NCOA3: variants seen among roughly 807,000 people sequenced by gnomAD.
The protein encoded by NCOA3 is nuclear receptor coactivator 3.
Under a neutral mutation model 158.8 loss-of-function variants are expected in NCOA3, and 51 were observed. The observed-to-expected ratio is 0.32, with a 90% CI of 0.26 to 0.41. NCOA3 has a LOEUF of 0.41. NCOA3 is among the 10% of genes least tolerant of loss of function. The pLI, the probability that NCOA3 is intolerant of heterozygous loss-of-function variation, is 1.00. For synonymous variants in NCOA3, 537 were observed against 592.4 expected (o/e 0.91, Z 1.36); for missense variants, 1,510 against 1,746.6 (o/e 0.86, Z 2.41).
intron 1 of NCOA3, among the ~76,000 whole-genome samples, chr20:47,520,868 C>T (rs1467337005): frequency 6.6e-6 from 1 of 152,230 alleles, no homozygotes; most frequent in Non-Finnish European, 1.5e-5. Flanking sequence ...AATCCCACGG[C>T]AGGATCTGCC....
At chr20:47,607,414 C>T (rs1307960360) in intron 2 of NCOA3, among the ~76,000 whole-genome samples, 1 of 152,184 alleles carries the variant, frequency 6.6e-6, no homozygotes, top group Non-Finnish European at 1.5e-5. Context: ...ATCTGTATAA[C>T]AAGCCTTACT....
chr20:47,537,089 G>A (rs528530354), intron 1 of NCOA3, among the ~76,000 whole-genome samples: 10 of 152,054 alleles, frequency 6.6e-5, no homozygotes, highest in East Asian at 1.9e-4. Flanking sequence ...GATTACAGGC[G>A]TGAGCCACCG....
intron 1 of NCOA3, among the ~76,000 whole-genome samples, chr20:47,581,685 A>G (rs1367188116): frequency 6.6e-6 from 1 of 152,150 alleles, no homozygotes; most frequent in Non-Finnish European, 1.5e-5. Flanking sequence ...TTGTTGCTTT[A>G]TTGTTAAATT....
rs552149334 is a variant in NCOA3 at position 47,610,484 on chromosome 20, C to T, written c.-19-11745C>T. Among the ~76,000 whole-genome samples the T allele has an allele frequency of 6.6e-5, 10 of 152,202 alleles. No homozygotes were observed. The South Asian group carries it at 1.7e-3, about 25-fold the overall frequency. Reference sequence around the variant, plus strand: ...ATCCTCTTGCCCCAGCCTCCCAAAGCGTTGGGATTACAGGTGTGAGCTACT... The same window carrying T: ...ATCCTCTTGCCCCAGCCTCCCAAAGTGTTGGGATTACAGGTGTGAGCTACT... On this transcript the variant is annotated intron_variant, in intron 2 of 22. Coordinates refer to ENST00000371998, the MANE Select transcript of NCOA3 (RefSeq NM_181659.3).
chr20:47,523,484 G>T (rs1030025307), intron 1 of NCOA3, among the ~76,000 whole-genome samples: 2 of 152,102 alleles, frequency 1.3e-5, no homozygotes, highest in African/African-American at 4.8e-5. Context: ...AACTATACGG[G>T]GTCCAAATAT....
chr20:47,511,550 T>TATATATATATATATATATATACATAC lies in NCOA3; in HGVS notation c.-99+9537_-99+9538insATATATATATATATACATACATATAT. 1.8e-3 allele frequency among the ~76,000 whole-genome samples: 94 copies of TATATATATATATATATATATACATAC among 52,244 alleles called. 2 individuals carry two copies. Among genetic ancestry groups the TATATATATATATATATATATACATAC allele is most frequent in the Non-Finnish European group, 2.2e-3 (56 of 25,088 alleles). The allele number at this position is 52,244 out of a possible 152,430, so 34.3% of individuals were successfully genotyped here. On this transcript the variant is annotated intron_variant, in intron 1 of 22. Transcript: ENST00000371998. ...ATATATATATATATATATATATATATATATATTTCTTTTTTTTTTTGAGAC... is the reference window on the plus strand; with the variant it reads ...ATATATATATATATATATATATATATATATATATATATATATATATACATACATATATTTCTTTTTTTTTTTGAGAC...
intron 2 of NCOA3, among the ~76,000 whole-genome samples, chr20:47,585,637 T>A (rs2146226791): frequency 6.6e-6 from 1 of 152,278 alleles, no homozygotes; most frequent in African/African-American, 2.4e-5. Flanking sequence ...CATGAGGGTG[T>A]TTTTCCTTGT....
At chr20:47,626,497 CT>C (rs796464048) in intron 5 of NCOA3, among the ~76,000 whole-genome samples, 27 of 137,784 alleles carry the variant, frequency 2.0e-4, no homozygotes, top group African/African-American at 2.7e-4. Flanking sequence ...AATTATTCTT[CT>C]TTTTTTTTCC....
intron 2 of NCOA3, among the ~76,000 whole-genome samples, chr20:47,618,042 G>A (rs1450934031): frequency 1.3e-5 from 2 of 152,074 alleles, no homozygotes; most frequent in Non-Finnish European, 2.9e-5. Context: ...TTCGAGACCA[G>A]CCTGGCCATC....
intron 2 of NCOA3, among the ~76,000 whole-genome samples, chr20:47,586,069 G>A (rs142863117): frequency 6.6e-4 from 100 of 151,792 alleles, no homozygotes; most frequent in Admixed American, 1.3e-3. Context: ...ACAGGCACGC[G>A]CCACCCTGCC....
intron 1 of NCOA3, among the ~76,000 whole-genome samples, chr20:47,526,011 G>A (rs74978328): frequency 6.6e-6 from 1 of 151,634 alleles, no homozygotes; most frequent in South Asian, 2.1e-4. Flanking sequence ...AGACGGGGTG[G>A]CTGCTGGGCG....
rs548765421 is a variant in NCOA3 at position 47,508,936 on chromosome 20, G to C, written c.-99+6917G>C. On this transcript the variant is annotated intron_variant, in intron 1 of 22. Transcript: ENST00000371998. Reference sequence around the variant, plus strand: ...AAAATTTTAAAACAAAGGGTGCTCTGTATGGTTTTCCAAGGTTCCTTATTT... The same window carrying C: ...AAAATTTTAAAACAAAGGGTGCTCTCTATGGTTTTCCAAGGTTCCTTATTT... Among the ~76,000 whole-genome samples, 3 of 152,322 alleles carry C rather than the reference G, an allele frequency of 2.0e-5. No individual in the cohort carries two copies. In the East Asian group the frequency reaches 5.8e-4, roughly 29 times the overall value.
intron 10 of NCOA3, among the ~76,000 whole-genome samples, chr20:47,635,118 A>G (rs1438835309): frequency 2.0e-5 from 3 of 151,846 alleles, no homozygotes; most frequent in Non-Finnish European, 4.4e-5. Flanking sequence ...TTGTAGAGAC[A>G]TGATCTTGCT....
intron 5 of NCOA3, among the ~76,000 whole-genome samples, chr20:47,625,901 C>T (rs117603840): frequency 2.4e-3 from 359 of 152,246 alleles, no homozygotes; most frequent in Non-Finnish European, 3.6e-3. Context: ...GACTATATAG[C>T]ACTTACATTG....
At chr20:47,638,730 C>T (rs2086556455) in intron 13 of NCOA3, among the ~76,000 whole-genome samples, 1 of 151,772 alleles carries the variant, frequency 6.6e-6, no homozygotes, top group Admixed American at 6.6e-5. Context: ...GTATCAGTGA[C>T]CATATCAGGC....
chr20:47,636,487 A>G lies in NCOA3; in HGVS notation c.2101A>G (p.Ile701Val). The change falls in exon 12 of 23, where the codon ATT (isoleucine) becomes GTT (valine). Residue 701 changes from isoleucine to valine, a missense_variant. Ile to Val is a conservative substitution (Grantham distance 29). This residue lies in a region of NCOA3 where 1,017 missense variants were observed against 1,098.3 expected (regional missense o/e 0.93). Coordinates refer to ENST00000371998, the MANE Select transcript of NCOA3 (RefSeq NM_181659.3). ...GAATTCACCAGCTGAGGTAGCCAAG[A>G]TTACTGCAGAAGCCACTGGGAAAGA... ...NGNSPAEVAK[I>V]TAEATGKDTS... 1 of 1,614,158 alleles carries G rather than the reference A, an allele frequency of 6.2e-7. No individual in the cohort carries two copies. Among genetic ancestry groups the G allele is most frequent in the Non-Finnish European group, 8.5e-7 (1 of 1,180,028 alleles).
At chr20:47,564,461 A>G (rs1428693917) in intron 1 of NCOA3, among the ~76,000 whole-genome samples, 1 of 152,200 alleles carries the variant, frequency 6.6e-6, no homozygotes, top group African/African-American at 2.4e-5. Flanking sequence ...CAACAAACAG[A>G]ACAAACTGAA....
chr20:47,606,534 T>C (rs1235760517), intron 2 of NCOA3, among the ~76,000 whole-genome samples: 5 of 152,180 alleles, frequency 3.3e-5, no homozygotes, highest in African/African-American at 1.2e-4. Context: ...GCAGCAACAC[T>C]ACACCTGGCC....
intron 1 of NCOA3, among the ~76,000 whole-genome samples, chr20:47,513,543 T>G (rs925084784): frequency 6.6e-6 from 1 of 152,008 alleles, no homozygotes; most frequent in Non-Finnish European, 1.5e-5. Flanking sequence ...CTGGCCAACA[T>G]GGCAAAATGC....
Sources: gnomAD v4.1 joint callset for allele counts (sites outside exome capture counted in the v4.1 genomes callset) on GRCh38, gnomAD v4.1.1 for gene constraint, gnomAD v4.1.1 regional missense constraint, MANE v1.5 for transcripts, NCBI Gene and HGNC (gene_info 2026-07-23, HGNC 2026-07-21) for gene names.